The following NDUFAF2 variants were observed in gnomAD, a reference collection of about 807,000 sequenced individuals.
The protein encoded by NDUFAF2 is NADH:ubiquinone oxidoreductase complex assembly factor 2.
Under a neutral mutation model 22.8 loss-of-function variants are expected in NDUFAF2, and 13 were observed. The observed-to-expected ratio is 0.57, with a 90% CI of 0.37 to 0.91. The LOEUF (loss-of-function observed/expected upper bound fraction) is 0.91, where lower values mean the gene tolerates loss of function less well. Ranked by LOEUF, NDUFAF2 falls within the 40% of genes least tolerant of loss-of-function variation. The pLI is 0.01. For synonymous variants in NDUFAF2, 53 were observed against 64.2 expected, an observed-to-expected ratio of 0.83 and a Z score of 0.84; for missense variants, 162 against 195.2, an observed-to-expected ratio of 0.83 and a Z score of 1.01.
intron 1 of NDUFAF2, among the ~76,000 whole-genome samples, chr5:61,010,983 G>A (rs911667958): frequency 3.3e-5 from 5 of 152,078 alleles, no homozygotes; most frequent in African/African-American, 1.2e-4. Context: ...TCATGAGATG[G>A]CGCTGTAAGG....
At chr5:61,081,614 CAG>C (rs1752443452) in intron 2 of NDUFAF2, among the ~76,000 whole-genome samples, 2 of 152,170 alleles carry the variant, frequency 1.3e-5, no homozygotes, top group African/African-American at 4.8e-5. Context: ...TCCCAAGTAA[CAG>C]AGCATGTAAA....
chr5:60,985,160 A>G (rs1476952551), intron 1 of NDUFAF2, among the ~76,000 whole-genome samples: 1 of 152,192 alleles, frequency 6.6e-6, no homozygotes, highest in Non-Finnish European at 1.5e-5. Flanking sequence ...CATTTCTTGT[A>G]GATTTTCTAG....
At chr5:61,104,455 T>C (rs1055739787) in intron 3 of NDUFAF2, among the ~76,000 whole-genome samples, 2 of 152,076 alleles carry the variant, frequency 1.3e-5, no homozygotes, top group Non-Finnish European at 2.9e-5. Context: ...ATTTTTAATA[T>C]ACATACTCCA....
chr5:61,076,248 G>T (rs1421188378), intron 2 of NDUFAF2, among the ~76,000 whole-genome samples: 2 of 151,962 alleles, frequency 1.3e-5, no homozygotes, highest in African/African-American at 4.8e-5. Context: ...TTTTGTTTTT[G>T]TATTTTTAGT....
chr5:61,092,009 C>T (rs990794017), intron 2 of NDUFAF2, among the ~76,000 whole-genome samples: 1 of 152,080 alleles, frequency 6.6e-6, no homozygotes, highest in Non-Finnish European at 1.5e-5. Flanking sequence ...TGTAGGTGTG[C>T]AGTCCTATTT....
At chr5:61,106,687 C>G (rs1019498341) in intron 3 of NDUFAF2, among the ~76,000 whole-genome samples, 1 of 150,944 alleles carries the variant, frequency 6.6e-6, no homozygotes, top group East Asian at 1.9e-4. Context: ...CCCACCCCCC[C>G]TAACACCCAG....
intron 1 of NDUFAF2, among the ~76,000 whole-genome samples, chr5:60,947,391 G>T (rs1418534585): frequency 2.6e-5 from 4 of 152,032 alleles, no homozygotes; most frequent in Admixed American, 6.6e-5. Context: ...AATGCCTGAG[G>T]ATGTTGACAG....
chr5:61,139,846 A>G (rs373537256), intron 3 of NDUFAF2, among the ~76,000 whole-genome samples: 11 of 152,186 alleles, frequency 7.2e-5, no homozygotes, highest in East Asian at 3.8e-4. Context: ...GCCTTTTCCA[A>G]TACTCCCTAC....
chr5:61,139,092 A>T (rs922112373), intron 3 of NDUFAF2, among the ~76,000 whole-genome samples: 3 of 152,224 alleles, frequency 2.0e-5, no homozygotes, highest in Non-Finnish European at 4.4e-5. Flanking sequence ...TTATATCCCG[A>T]TAAACCCATT....
intron 2 of NDUFAF2, among the ~76,000 whole-genome samples, chr5:61,092,448 G>A (rs1210276059): frequency 1.3e-5 from 2 of 151,880 alleles, no homozygotes; most frequent in Non-Finnish European, 2.9e-5. Flanking sequence ...GTATTCCTAG[G>A]TACTTAATTC....
At chr5:61,103,971 C>G (rs1350780429) in intron 3 of NDUFAF2, among the ~76,000 whole-genome samples, 3 of 152,014 alleles carry the variant, frequency 2.0e-5, no homozygotes, top group Non-Finnish European at 4.4e-5. Flanking sequence ...ATTAAATAGG[C>G]TTTGTGTTAA....
chr5:61,029,139 T>C (rs1751692774), intron 1 of NDUFAF2, among the ~76,000 whole-genome samples: 1 of 152,056 alleles, frequency 6.6e-6, no homozygotes, highest in Admixed American at 6.6e-5. Flanking sequence ...AGGTAGATGG[T>C]CTAGGTAAAT....
At chr5:60,999,154 A>G (rs1191970409) in intron 1 of NDUFAF2, among the ~76,000 whole-genome samples, 1 of 152,014 alleles carries the variant, frequency 6.6e-6, no homozygotes, top group Non-Finnish European at 1.5e-5. Context: ...CCCACTAGAT[A>G]TTGATTGTTT....
intron 1 of NDUFAF2, among the ~76,000 whole-genome samples, chr5:60,998,605 G>C (rs925515893): frequency 6.6e-6 from 1 of 151,882 alleles, no homozygotes; most frequent in African/African-American, 2.4e-5. Flanking sequence ...AATGTGATGG[G>C]GTTCGAGTCA....
rs1752233472 is a variant in NDUFAF2, at chr5:61,066,769, A to G, written c.128-6356A>G. Among the ~76,000 whole-genome samples, 4 of 152,182 alleles carry G rather than the reference A, an allele frequency of 2.6e-5. No individual in the cohort carries two copies. The South Asian group carries it at 8.3e-4, about 32-fold the overall frequency. On this transcript the variant is annotated intron_variant, in intron 1 of 3. Transcript: ENST00000296597. ...GGTATGTAAATAGTTGTTATACTGTATTTTTTAAATTTGTATTTTATTGTT... is the reference window on the plus strand; with the variant it reads ...GGTATGTAAATAGTTGTTATACTGTGTTTTTTAAATTTGTATTTTATTGTT...
intron 2 of NDUFAF2, among the ~76,000 whole-genome samples, chr5:61,096,939 G>A (rs113306887): frequency 0.14 from 21,443 of 152,072 alleles, 1,819 homozygotes; most frequent in African/African-American, 0.23. Flanking sequence ...ACTACAGCCT[G>A]GGTAACAGAG....
At chr5:61,136,429 C>T (rs899864875) in intron 3 of NDUFAF2, among the ~76,000 whole-genome samples, 9 of 152,116 alleles carry the variant, frequency 5.9e-5, no homozygotes, top group African/African-American at 2.2e-4. Flanking sequence ...CTGCATCTGC[C>T]TCCATAACCT....
At chr5:61,027,225 A>G (rs1751661655) in intron 1 of NDUFAF2, among the ~76,000 whole-genome samples, 1 of 151,550 alleles carries the variant, frequency 6.6e-6, no homozygotes, top group South Asian at 2.1e-4. Flanking sequence ...GAGACCATCT[A>G]ATTTATAAAC....
intron 1 of NDUFAF2, among the ~76,000 whole-genome samples, chr5:61,020,584 C>T (rs901265929): frequency 4.0e-5 from 6 of 151,336 alleles, no homozygotes; most frequent in Admixed American, 6.6e-5. Flanking sequence ...TACACATGCA[C>T]GCATGTGTGT....
Sources: allele counts gnomAD v4.1 joint callset (sites outside exome capture counted in the v4.1 genomes callset), GRCh38; gene constraint gnomAD v4.1.1; transcripts MANE v1.5; gene names NCBI Gene and HGNC (gene_info 2026-07-23, HGNC 2026-07-21).